CMSS1: variants seen among roughly 807,000 people sequenced by gnomAD.
CMSS1 encodes the protein cms1 ribosomal small subunit homolog.
CMSS1 carries 33 observed loss-of-function variants against 43.5 expected under a neutral mutation model. The observed-to-expected ratio is 0.76, with a 90% CI of 0.57 to 1.01. CMSS1 has a LOEUF of 1.01. Among genes scored for constraint, CMSS1 ranks in the 50% least tolerant of loss-of-function variants. The probability of loss-of-function intolerance (pLI) is 0.00; values close to 1 mark genes in which losing one functional copy is unlikely to be tolerated. For synonymous variants in CMSS1, 115 were observed against 117.2 expected (o/e 0.98, Z 0.12); for missense variants, 313 against 326.4 (o/e 0.96, Z 0.32).
intron 1 of CMSS1, among the ~76,000 whole-genome samples, chr3:99,977,947 G>A (rs1251353722): frequency 2.0e-5 from 3 of 151,934 alleles, no homozygotes; most frequent in Non-Finnish European, 4.4e-5. Context: ...ATAGAAACAG[G>A]CCAAAATTTC....
In CMSS1 at chr3:99,938,937, A is replaced by T. The variant is rs141255460; in HGVS notation, c.64+120894A>T. Among the ~76,000 whole-genome samples, 696 of 152,364 alleles carry T rather than the reference A, an allele frequency of 4.6e-3. 2 individuals carry two copies. Among genetic ancestry groups the T allele is most frequent in the South Asian group, 7.0e-3 (34 of 4,824 alleles). The stretch of plus-strand genomic sequence containing the variant: ...CTGATGGCTAAAAAAAGACAATTGA[A>T]AACAAGATAACCTAATTTAGTAATT... On this transcript the variant is annotated intron_variant, in intron 1 of 9. Transcript: ENST00000421999.
At chr3:100,093,776 C>T (rs568782313) in intron 1 of CMSS1, among the ~76,000 whole-genome samples, 1 of 152,324 alleles carries the variant, frequency 6.6e-6, no homozygotes, top group Non-Finnish European at 1.5e-5. Context: ...ACTTCAAAAA[C>T]AGTATATAAA....
At chr3:99,829,845 C>T (rs573450047) in intron 1 of CMSS1, among the ~76,000 whole-genome samples, 1 of 152,076 alleles carries the variant, frequency 6.6e-6, no homozygotes, top group Non-Finnish European at 1.5e-5. Flanking sequence ...AGGATATATT[C>T]GGCTGTTATT....
intron 1 of CMSS1, among the ~76,000 whole-genome samples, chr3:99,927,947 T>A (rs545100906): frequency 6.6e-6 from 1 of 152,264 alleles, no homozygotes; most frequent in South Asian, 2.1e-4. Context: ...TTCTTCTAAG[T>A]TATTTTGCCT....
chr3:100,003,831 A>C (rs1012646063), intron 1 of CMSS1, among the ~76,000 whole-genome samples: 1 of 152,194 alleles, frequency 6.6e-6, no homozygotes, highest in African/African-American at 2.4e-5. Flanking sequence ...TTGAAGTTGT[A>C]TCATACAAAC....
chr3:99,828,702 C>T (rs771602086), intron 1 of CMSS1, among the ~76,000 whole-genome samples: 6 of 151,542 alleles, frequency 4.0e-5, no homozygotes, highest in Non-Finnish European at 8.8e-5. Context: ...GAAATCCTCT[C>T]ACCTCAGCCT....
chr3:100,164,271 G>T (rs913685331), intron 4 of CMSS1, among the ~76,000 whole-genome samples: 1 of 152,120 alleles, frequency 6.6e-6, no homozygotes, highest in Non-Finnish European at 1.5e-5. Context: ...GTGACTCAAT[G>T]GTCAGTTTTC....
At chr3:99,846,387 C>A (rs1943366269) in intron 1 of CMSS1, among the ~76,000 whole-genome samples, 1 of 152,204 alleles carries the variant, frequency 6.6e-6, no homozygotes, top group South Asian at 2.1e-4. Context: ...TGTACCCACT[C>A]TCAGTAACTA....
intron 1 of CMSS1, among the ~76,000 whole-genome samples, chr3:99,945,427 A>G (rs553405641): frequency 1.3e-5 from 2 of 152,300 alleles, no homozygotes; most frequent in African/African-American, 4.8e-5. Flanking sequence ...GTGGTTCCAT[A>G]TAGCCCTTTG....
chr3:100,025,473 C>G (rs1365985866), intron 1 of CMSS1: 1 of 151,950 alleles, frequency 6.6e-6, no homozygotes, highest in Non-Finnish European at 1.5e-5. Context: ...TTTGATGTTG[C>G]CTAGGGTTAA....
chr3:99,930,017 C>A (rs769955581), intron 1 of CMSS1: 14 of 1,610,198 alleles, frequency 8.7e-6, no homozygotes. Flanking sequence ...ATGCCTATGA[C>A]CTCATCTCGA....
chr3:99,918,201 C>T (rs1416655484), intron 1 of CMSS1, among the ~76,000 whole-genome samples: 2 of 152,096 alleles, frequency 1.3e-5, no homozygotes, highest in Non-Finnish European at 2.9e-5. Flanking sequence ...TGGTCTCGAA[C>T]CCTTGACCTC....
chr3:99,933,230 C>G (rs149166098), intron 1 of CMSS1, among the ~76,000 whole-genome samples: 2 of 152,122 alleles, frequency 1.3e-5, no homozygotes, highest in East Asian at 3.9e-4. Flanking sequence ...GGTACAAATA[C>G]CTTGTCCGAA....
intron 1 of CMSS1, among the ~76,000 whole-genome samples, chr3:100,061,958 T>A: frequency 6.6e-6 from 1 of 152,196 alleles, no homozygotes; most frequent in Middle Eastern, 3.4e-3. Flanking sequence ...TTCACATTGT[T>A]ATGCAACCAA....
chr3:100,098,275 G>A (rs899641402), intron 1 of CMSS1, among the ~76,000 whole-genome samples: 5 of 152,168 alleles, frequency 3.3e-5, no homozygotes, highest in Admixed American at 6.5e-5. Context: ...AGGAGGTAAC[G>A]AGAAGTAAAG....
intron 1 of CMSS1, among the ~76,000 whole-genome samples, chr3:100,069,927 T>C (rs928177501): frequency 3.3e-5 from 5 of 152,200 alleles, no homozygotes; most frequent in Admixed American, 2.0e-4. Flanking sequence ...GAAAATCTGG[T>C]TTGATAGGGT....
intron 1 of CMSS1, among the ~76,000 whole-genome samples, chr3:100,083,868 C>G (rs1382199036): frequency 6.6e-6 from 1 of 152,128 alleles, no homozygotes; most frequent in Non-Finnish European, 1.5e-5. Context: ...GCCACGGTGC[C>G]TGGCGTGATT....
intron 1 of CMSS1, among the ~76,000 whole-genome samples, chr3:100,037,964 GA>G (rs139844360): frequency 0.017 from 2,161 of 124,052 alleles, 82 homozygotes; most frequent in African/African-American, 0.045. Flanking sequence ...TTTGGGGGGG[GA>G]GGGAACAGAG....
intron 1 of CMSS1, among the ~76,000 whole-genome samples, chr3:100,129,214 A>G (rs1467583514): frequency 6.6e-6 from 1 of 152,196 alleles, no homozygotes; most frequent in Non-Finnish European, 1.5e-5. Flanking sequence ...TAAGAACCAC[A>G]TCTTCTTCAT....
Sources: gnomAD v4.1 joint callset for allele counts (sites outside exome capture counted in the v4.1 genomes callset) on GRCh38, gnomAD v4.1.1 for gene constraint, MANE v1.5 for transcripts, NCBI Gene and HGNC (gene_info 2026-07-23, HGNC 2026-07-21) for gene names.